Variants in PLA2G4C observed in about 807,000 individuals in gnomAD.
PLA2G4C encodes cytosolic phospholipase A2 gamma.
Under a neutral mutation model 73.8 loss-of-function variants are expected in PLA2G4C, and 64 were observed. The ratio of observed to expected loss-of-function variants is 0.87; its 90% CI spans 0.71 to 1.07. The LOEUF (loss-of-function observed/expected upper bound fraction) is 1.07. Ranked by LOEUF, PLA2G4C falls within the 50% of genes least tolerant of loss-of-function variation. The pLI is 0.00. For missense variants in PLA2G4C, 622 were observed against 665.4 expected (o/e 0.93, Z 0.72); for synonymous variants, 254 against 252.1 (o/e 1.01, Z -0.07).
intron 14 of PLA2G4C, among the ~76,000 whole-genome samples, chr19:48,057,163 T>G (rs1047065500): frequency 2.6e-5 from 4 of 152,142 alleles, no homozygotes; most frequent in African/African-American, 9.7e-5. Flanking sequence ...GTTTGTGTTT[T>G]GCACACAAAT....
chr19:48,061,909 C>A, intron 14 of PLA2G4C, 89 bp downstream of exon 14: 1 of 1,383,124 alleles, frequency 7.2e-7, no homozygotes, highest in Non-Finnish European at 1.0e-6. Flanking sequence ...TGCCCGCTTC[C>A]CAGCCCGCGT....
intron 16 of PLA2G4C, among the ~76,000 whole-genome samples, chr19:48,052,789 C>T (rs551909954): frequency 1.8e-4 from 28 of 152,288 alleles, no homozygotes; most frequent in African/African-American, 5.8e-4. Context: ...CCCTAGCAAA[C>T]GAACACAGCC....
At chr19:48,109,658 A>ATTT (rs113371242) in intron 1 of PLA2G4C, among the ~76,000 whole-genome samples, 1 of 147,574 alleles carries the variant, frequency 6.8e-6, no homozygotes, top group African/African-American at 2.5e-5. Flanking sequence ...ATTTTATTTT[A>ATTT]TTTTTTTTTG....
chr19:48,054,733 C>T, intron 15 of PLA2G4C, 145 bp downstream of exon 15: 1 of 746,490 alleles, frequency 1.3e-6, no homozygotes, highest in Non-Finnish European at 2.2e-6. Flanking sequence ...CTGTAAGTTT[C>T]CTGAGGCCTC....
intron 10 of PLA2G4C, among the ~76,000 whole-genome samples, chr19:48,079,580 A>C (rs1199107430): frequency 6.6e-6 from 1 of 152,216 alleles, no homozygotes; most frequent in Non-Finnish European, 1.5e-5. Flanking sequence ...AACCATAAAA[A>C]TTCTAGAAGA....
chr19:48,055,046 T>G lies in PLA2G4C; in HGVS notation c.1261A>C (p.Ile421Leu). 4.4e-6 allele frequency: 7 copies of G among 1,604,088 alleles called. No homozygotes were observed. Among genetic ancestry groups the G allele is most frequent in the Non-Finnish European group, 6.0e-6 (7 of 1,175,772 alleles). The change falls in exon 15 of 17, where the codon ATC (isoleucine) becomes CTC (leucine). Residue 421 changes from isoleucine to leucine, a missense_variant. Ile to Leu is a conservative substitution (Grantham distance 5). Coordinates refer to ENST00000599921, the MANE Select transcript of PLA2G4C (RefSeq NM_003706.3). ...DFSAGDPFETIRATTDYCRRH... is the reference protein window; with the variant it reads ...DFSAGDPFETLRATTDYCRRH... ...CGGCAGTAGTCAGTGGTAGCCCGGA[T>G]GGTCTGAGAAGGAGGCAATAAGAAA... is the stretch of plus-strand genomic sequence containing the variant.
intron 10 of PLA2G4C, among the ~76,000 whole-genome samples, chr19:48,081,058 A>G (rs192555485): frequency 1.8e-4 from 27 of 151,204 alleles, no homozygotes; most frequent in Admixed American, 1.5e-3. Context: ...CCAGCTACTC[A>G]GGAGGCTGGG....
chr19:48,096,620 G>A (rs3826829), intron 6 of PLA2G4C: 14,413 of 152,278 alleles, frequency 0.095, 1,617 homozygotes, highest in African/African-American at 0.26. Flanking sequence ...CACACTGGGG[G>A]CTTCTGAGCC....
At chr19:48,104,497 T>C (rs939971412) in intron 4 of PLA2G4C, 91 bp downstream of exon 4, 29 of 1,279,108 alleles carry the variant, frequency 2.3e-5, no homozygotes, top group African/African-American at 2.1e-4. Context: ...AGAAGCAGCG[T>C]TGGAAAAAAC....
chr19:48,106,611 C>T, intron 1 of PLA2G4C, 50 bp from the exon 2 acceptor site: 1 of 1,471,784 alleles, frequency 6.8e-7, no homozygotes, highest in Non-Finnish European at 9.5e-7. Flanking sequence ...TTGGGCTTAG[C>T]AAAGACAGTG....
chr19:48,083,080 G>T (rs2030710948), intron 10 of PLA2G4C, among the ~76,000 whole-genome samples: 1 of 152,142 alleles, frequency 6.6e-6, no homozygotes, highest in African/African-American at 2.4e-5. Context: ...CCCACAAAGT[G>T]CTGGGATTAC....
Position 48,048,294 on chromosome 19 carries a change from G to C in PLA2G4C, c.*49C>G, listed in dbSNP as rs992072954. On this transcript the variant is annotated 3_prime_UTR_variant, in exon 17 of 17. Transcript: ENST00000599921. ...AACAGGAAGGCCAGGTGGACATCAG[G>C]GCCCTAGTAGACCAACAGGCCCACA... The C allele has an allele frequency of 8.8e-6, 13 of 1,477,024 alleles. No individual in the cohort carries two copies. The East Asian group carries it at 1.2e-4, about 13-fold the overall frequency. The allele number at this position is 1,477,024 out of a possible 1,614,324, so 91.5% of individuals were successfully genotyped here.
chr19:48,052,802 C>T (rs1310884921), intron 16 of PLA2G4C, among the ~76,000 whole-genome samples, 195 bp downstream of exon 16: 4 of 152,196 alleles, frequency 2.6e-5, no homozygotes, highest in Non-Finnish European at 1.5e-5. Context: ...ACACAGCCTG[C>T]TTCACTCTTC....
intron 14 of PLA2G4C, among the ~76,000 whole-genome samples, chr19:48,059,257 C>CG (rs1968077818): frequency 8.2e-6 from 1 of 121,684 alleles, no homozygotes; most frequent in African/African-American, 3.3e-5. Context: ...TGTGATAGAG[C>CG]GAGACTCTGT....
At position 48,067,819 on chromosome 19, in the gene PLA2G4C, C is replaced by A; in HGVS notation, c.1074G>T (p.Gly358=). 6.2e-7 allele frequency: 1 copy of A among 1,610,940 alleles called. No individual in the cohort carries two copies. Among genetic ancestry groups the A allele is most frequent in the Non-Finnish European group, 8.5e-7 (1 of 1,177,646 alleles). Residue 358 remains glycine (G), a synonymous_variant, in exon 13 of 17, where the codon GGG becomes GGT. Transcript: ENST00000599921. ...TGICASKWEW[G]TTHNFLYKHG... ...GTTTGTACAGGAAGTTGTGAGTGGT[C>A]CCCCATTCCCACTTTGAAGCGCAAA...
rs751808096 is a variant in PLA2G4C, at chr19:48,061,819, A to C, written c.1257+179T>G. ...TGGCTTTGGATCAGAAGTTCGTTGG[A>C]TGTGGCCGACCGCGGGTGCTTCGGG... is the stretch of plus-strand genomic sequence containing the variant. On this transcript the variant is annotated intron_variant, in intron 14 of 16. Coordinates refer to ENST00000599921, the MANE Select transcript of PLA2G4C (RefSeq NM_003706.3). The C allele has an allele frequency of 5.7e-5, 37 of 649,496 alleles. No homozygotes were observed. The African/African-American group carries it at 5.9e-4, about 10-fold the overall frequency. 40.2% of individuals were successfully genotyped at this position (649,496 alleles called of 1,614,324 possible). A position where few individuals can be genotyped will look rare whatever the true frequency, so the allele number is the denominator to read the frequency against.
rs548688675 is a variant in PLA2G4C at position 48,098,713 on chromosome 19, TAAAAAAAAAAAAAAAAAAAAA to T, written c.448-475_448-455del. Among the ~76,000 whole-genome samples the T allele has an allele frequency of 1.0e-3, 32 of 30,908 alleles. 1 individual carries two copies. Among genetic ancestry groups the T allele is most frequent in the South Asian group, 1.6e-3 (1 of 636 alleles). 20.3% of individuals were successfully genotyped at this position (30,908 alleles called of 152,430 possible). A position where few individuals can be genotyped will look rare whatever the true frequency, so the allele number is the denominator to read the frequency against. On this transcript the variant is annotated intron_variant, in intron 5 of 16. Coordinates refer to ENST00000599921, the MANE Select transcript of PLA2G4C (RefSeq NM_003706.3). ...GAGCAAAAAAGCGAAACCCTATCTC[TAAAAAAAAAAAAAAAAAAAAA>T]AAAAAAAAAAAAAAAAAATTTGTCA...
chr19:48,095,320 C>G, intron 7 of PLA2G4C, 144 bp downstream of exon 7: 1 of 732,656 alleles, frequency 1.4e-6, no homozygotes, highest in South Asian at 1.7e-5. Context: ...AGGAATACAC[C>G]ATTCCTCTTT....
intron 12 of PLA2G4C, among the ~76,000 whole-genome samples, chr19:48,070,213 A>C (rs1198706288): frequency 6.6e-6 from 1 of 152,212 alleles, no homozygotes; most frequent in Non-Finnish European, 1.5e-5. Context: ...CATGTCAACT[A>C]GGCTGGGCCA....
Sources: allele counts gnomAD v4.1 joint callset (sites outside exome capture counted in the v4.1 genomes callset), GRCh38; gene constraint gnomAD v4.1.1; transcripts MANE v1.5; gene names NCBI Gene and HGNC (gene_info 2026-07-23, HGNC 2026-07-21).